ARHGAP15: variants seen among roughly 807,000 people sequenced by gnomAD.
ARHGAP15 encodes rho GTPase-activating protein 15.
A neutral mutation model predicts 63.7 loss-of-function variants in ARHGAP15; 51 were observed. That is an observed-to-expected ratio of 0.80 (90% confidence interval 0.64 to 1.01). ARHGAP15 has a LOEUF of 1.01. Ranked by LOEUF, ARHGAP15 falls within the 50% of genes least tolerant of loss-of-function variation. The pLI is 0.00. For missense variants in ARHGAP15, 560 were observed against 564.6 expected (o/e 0.99, Z 0.08); for synonymous variants, 191 against 193.8 (o/e 0.99, Z 0.12).
intron 11 of ARHGAP15, among the ~76,000 whole-genome samples, chr2:143,566,750 A>G (rs964584539): frequency 6.6e-6 from 1 of 152,040 alleles, no homozygotes; most frequent in Non-Finnish European, 1.5e-5. Flanking sequence ...CCCTTTCCAC[A>G]GTCAGGTCAC....
At chr2:143,245,468 A>T (rs938909848) in intron 5 of ARHGAP15, among the ~76,000 whole-genome samples, 1 of 152,216 alleles carries the variant, frequency 6.6e-6, no homozygotes, top group Non-Finnish European at 1.5e-5. Context: ...AAGGAAGTAA[A>T]TATCAGACTG....
chr2:143,268,238 T>C lies in ARHGAP15; in HGVS notation c.474+17638T>C, dbSNP rs1486346498. Among the ~76,000 whole-genome samples, 6 of 151,698 alleles carry C rather than the reference T, an allele frequency of 4.0e-5. No homozygotes were observed. In the East Asian group the frequency reaches 9.7e-4, roughly 25 times the overall value. On this transcript the variant is annotated intron_variant, in intron 6 of 13. Coordinates refer to ENST00000295095, the MANE Select transcript of ARHGAP15 (RefSeq NM_018460.4). The stretch of plus-strand genomic sequence containing the variant: ...AATCCTATTTTTCTAATGTAGAGCA[T>C]ATTGGTTTAAAACAACAAACAAAAA...
intron 2 of ARHGAP15, among the ~76,000 whole-genome samples, chr2:143,200,633 G>A (rs1692076218): frequency 6.6e-6 from 1 of 151,566 alleles, no homozygotes; most frequent in South Asian, 2.1e-4. Flanking sequence ...CAATATTAAT[G>A]GGAGTTTCTG....
chr2:143,522,454 T>C (rs917295099), intron 10 of ARHGAP15, among the ~76,000 whole-genome samples: 1 of 152,200 alleles, frequency 6.6e-6, no homozygotes, highest in Admixed American at 6.5e-5. Flanking sequence ...ACTCAACTTA[T>C]GTTTCTTTTT....
chr2:143,488,217 A>G lies in ARHGAP15; in HGVS notation c.826+722A>G, dbSNP rs563409685. Among the ~76,000 whole-genome samples the G allele has an allele frequency of 1.2e-4, 18 of 152,346 alleles. No individual in the cohort carries two copies. The South Asian group carries it at 3.5e-3, about 30-fold the overall frequency. On this transcript the variant is annotated intron_variant, in intron 9 of 13. Transcript: ENST00000295095. The stretch of plus-strand genomic sequence containing the variant: ...TTGTTAAATGGGGATACTTATATAC[A>G]TCATTGAAAGGAATAAATGACATAG...
At chr2:143,391,257 C>G (rs888538173) in intron 6 of ARHGAP15, among the ~76,000 whole-genome samples, 1 of 152,128 alleles carries the variant, frequency 6.6e-6, no homozygotes, top group Non-Finnish European at 1.5e-5. Flanking sequence ...AATCACCTGG[C>G]TGAGGAAAGG....
chr2:143,153,510 T>C (rs2105005126), intron 1 of ARHGAP15, among the ~76,000 whole-genome samples: 1 of 152,102 alleles, frequency 6.6e-6, no homozygotes, highest in Admixed American at 6.6e-5. Flanking sequence ...AAACAACTTT[T>C]CTATAAACAT....
intron 12 of ARHGAP15, among the ~76,000 whole-genome samples, chr2:143,647,167 C>CATATATATA (rs1680919587): frequency 6.6e-6 from 1 of 151,568 alleles, no homozygotes; most frequent in Admixed American, 6.6e-5. Context: ...CTGACTCAAA[C>CATATATATA]CAGAAGACCT....
intron 12 of ARHGAP15, among the ~76,000 whole-genome samples, chr2:143,666,107 C>T (rs1293719456): frequency 6.6e-6 from 1 of 151,662 alleles, no homozygotes; most frequent in East Asian, 1.9e-4. Flanking sequence ...GCCCACATCC[C>T]CAAGGCAATC....
intron 2 of ARHGAP15, among the ~76,000 whole-genome samples, chr2:143,200,937 A>C (rs954599852): frequency 1.3e-5 from 2 of 152,124 alleles, no homozygotes; most frequent in Non-Finnish European, 2.9e-5. Flanking sequence ...CTTGAAACAT[A>C]GAGGTGTGAA....
intron 1 of ARHGAP15, among the ~76,000 whole-genome samples, chr2:143,129,899 T>C (rs1254800868): frequency 6.6e-6 from 1 of 152,178 alleles, no homozygotes; most frequent in Non-Finnish European, 1.5e-5. Context: ...GTGTGAAAGA[T>C]ACTCACTTTA....
chr2:143,542,601 A>G (rs1695121674), intron 10 of ARHGAP15, among the ~76,000 whole-genome samples: 2 of 146,314 alleles, frequency 1.4e-5, no homozygotes, highest in African/African-American at 2.5e-5. Flanking sequence ...ATATGTGTAT[A>G]TGTGTGTGTG....
intron 8 of ARHGAP15, among the ~76,000 whole-genome samples, chr2:143,459,938 G>C (rs1303237745): frequency 6.6e-6 from 1 of 152,106 alleles, no homozygotes; most frequent in East Asian, 1.9e-4. Context: ...AAACTTGTTT[G>C]ATATGAAGTA....
intron 2 of ARHGAP15, among the ~76,000 whole-genome samples, chr2:143,156,933 A>G (rs781623351): frequency 3.9e-5 from 6 of 151,980 alleles, no homozygotes; most frequent in Non-Finnish European, 8.8e-5. Flanking sequence ...TGGAATCTCT[A>G]TAATGTATTA....
chr2:143,245,419 G>A (rs773866507), intron 5 of ARHGAP15, among the ~76,000 whole-genome samples: 1 of 152,154 alleles, frequency 6.6e-6, no homozygotes, highest in Non-Finnish European at 1.5e-5. Flanking sequence ...GATTGTTTTT[G>A]TTGACCTTAA....
At chr2:143,735,978 A>G (rs1685729725) in intron 13 of ARHGAP15, among the ~76,000 whole-genome samples, 1 of 152,304 alleles carries the variant, frequency 6.6e-6, no homozygotes, top group Admixed American at 6.5e-5. Context: ...TCAAAGTACT[A>G]TCCATCCATC....
At chr2:143,761,493 T>A (rs1267934318) in intron 13 of ARHGAP15, among the ~76,000 whole-genome samples, 2 of 151,264 alleles carry the variant, frequency 1.3e-5, no homozygotes, top group Non-Finnish European at 3.0e-5. Flanking sequence ...GTCACTATAG[T>A]AACAGCAAAG....
At chr2:143,461,406 G>A (rs966372788) in intron 8 of ARHGAP15, among the ~76,000 whole-genome samples, 2 of 152,050 alleles carry the variant, frequency 1.3e-5, no homozygotes, top group African/African-American at 4.8e-5. Context: ...CAACTGTGGG[G>A]TAGTGAAGTT....
chr2:143,246,673 G>A (rs774516410), intron 5 of ARHGAP15, among the ~76,000 whole-genome samples: 19 of 152,014 alleles, frequency 1.2e-4, no homozygotes, highest in Non-Finnish European at 2.4e-4. Context: ...GAGAGGGCAG[G>A]TGGAGGGGGT....
Sources: gnomAD v4.1 joint callset for allele counts (sites outside exome capture counted in the v4.1 genomes callset) on GRCh38, gnomAD v4.1.1 for gene constraint, MANE v1.5 for transcripts, NCBI Gene and HGNC (gene_info 2026-07-23, HGNC 2026-07-21) for gene names.